Variants in TXNDC8 observed in about 807,000 individuals in gnomAD.
The protein encoded by TXNDC8 is thioredoxin domain containing 8.
TXNDC8 carries 15 observed loss-of-function variants against 12.9 expected under a neutral mutation model. The observed-to-expected ratio is 1.16, with a 90% CI of 0.78 to 1.79. TXNDC8 has a LOEUF of 1.79. Ranked by LOEUF, TXNDC8 falls within the 40% of genes most tolerant of loss-of-function variation. The pLI, the probability that TXNDC8 is intolerant of heterozygous loss-of-function variation, is 0.00. For synonymous variants in TXNDC8, 40 were observed against 35.4 expected, an observed-to-expected ratio of 1.13 and a Z score of -0.46; for missense variants, 128 against 113.2, an observed-to-expected ratio of 1.13 and a Z score of -0.59.
intron 2 of TXNDC8, among the ~76,000 whole-genome samples, chr9:110,328,431 A>AC (rs1839421385): frequency 1.3e-5 from 2 of 152,224 alleles, no homozygotes; most frequent in South Asian, 4.1e-4. Context: ...GCTTCAAAAA[A>AC]ACACACAAAA....
intron 1 of TXNDC8, among the ~76,000 whole-genome samples, chr9:110,337,470 G>A (rs1042118425): frequency 6.6e-6 from 1 of 152,144 alleles, no homozygotes; most frequent in Non-Finnish European, 1.5e-5. Flanking sequence ...ACTGAGGTAC[G>A]ATCCATGGGA....
At chr9:110,337,735 A>G (rs1839813826) in intron 1 of TXNDC8, 38 bp downstream of exon 1, 3 of 1,605,292 alleles carry the variant, frequency 1.9e-6, no homozygotes, top group African/African-American at 1.3e-5. Context: ...CAAGATGTCC[A>G]CATTTGAAAT....
intron 3 of TXNDC8, among the ~76,000 whole-genome samples, chr9:110,320,972 G>T (rs1202440286): frequency 6.6e-6 from 1 of 152,190 alleles, no homozygotes; most frequent in Non-Finnish European, 1.5e-5. Context: ...TTCAGCCACT[G>T]CTTATATTGC....
At chr9:110,323,736 C>A in intron 3 of TXNDC8, 1 of 1,029,828 alleles carries the variant, frequency 9.7e-7, no homozygotes, top group Non-Finnish European at 1.4e-6. Flanking sequence ...CAGTCAATGC[C>A]ATTAGTACTC....
chr9:110,309,060 G>A (rs968973777), intron 3 of TXNDC8, among the ~76,000 whole-genome samples: 1 of 152,156 alleles, frequency 6.6e-6, no homozygotes, highest in Non-Finnish European at 1.5e-5. Flanking sequence ...ATTTTTTCTC[G>A]TAGGAAGTTG....
At chr9:110,302,197 A>G (rs551783406), downstream of TXNDC8, among the ~76,000 whole-genome samples, 47 of 151,570 alleles carry the variant, frequency 3.1e-4, no homozygotes, top group Non-Finnish European at 6.2e-4. Context: ...GACAGAGTCT[A>G]GCTATGTTGC....
chr9:110,332,923 A>G (rs1042353795), intron 2 of TXNDC8, among the ~76,000 whole-genome samples: 2 of 152,364 alleles, frequency 1.3e-5, no homozygotes, highest in South Asian at 2.1e-4. Flanking sequence ...TATTCGCCTC[A>G]TTGCAATAAC....
chr9:110,334,382 A>G lies in TXNDC8; in HGVS notation c.25-62T>C, dbSNP rs1271396492. On this transcript the variant is annotated intron_variant, in intron 1 of 4. Transcript: ENST00000423740. ...CACTGAATCTCATGACATTTTGTAG[A>G]GAAGAAGATGACAGATTAGTTTTGG... The G allele has an allele frequency of 3.5e-6, 5 of 1,432,990 alleles. No individual in the cohort carries two copies. The African/African-American group carries it at 7.1e-5, about 20-fold the overall frequency. The allele number at this position is 1,432,990 out of a possible 1,614,324, so 88.8% of individuals were successfully genotyped here.
intron 1 of TXNDC8, among the ~76,000 whole-genome samples, chr9:110,335,689 T>C (rs1283854393): frequency 6.6e-6 from 1 of 152,188 alleles, no homozygotes; most frequent in Admixed American, 6.5e-5. Flanking sequence ...CCTTAACCAC[T>C]ACAGAAAATC....
intron 3 of TXNDC8, among the ~76,000 whole-genome samples, chr9:110,307,870 A>G (rs1335237150): frequency 6.6e-6 from 1 of 152,234 alleles, no homozygotes; most frequent in Non-Finnish European, 1.5e-5. Flanking sequence ...TAACATGTAT[A>G]AAACCAAGCT....
At chr9:110,327,383 T>C (rs10759411) in intron 2 of TXNDC8, among the ~76,000 whole-genome samples, 135,719 of 151,510 alleles carry the variant, frequency 0.9, 61,441 homozygotes, top group African/African-American at 0.98. Context: ...AGTGCAATGG[T>C]GCGATCTGGG....
chr9:110,328,091 G>A (rs1839403292), intron 2 of TXNDC8, among the ~76,000 whole-genome samples: 1 of 152,160 alleles, frequency 6.6e-6, no homozygotes, highest in African/African-American at 2.4e-5. Context: ...TCGGTTAAGT[G>A]TTATTATCCT....
At chr9:110,305,550 CTTT>C (rs1383154246) in intron 3 of TXNDC8, among the ~76,000 whole-genome samples, 27 of 31,984 alleles carry the variant, frequency 8.4e-4, no homozygotes, top group Non-Finnish European at 1.4e-3. Flanking sequence ...TTTTCTTTTT[CTTT>C]CTTTCTTTCT....
chr9:110,316,050 A>G (rs1166941446), intron 3 of TXNDC8, among the ~76,000 whole-genome samples: 1 of 150,242 alleles, frequency 6.7e-6, no homozygotes, highest in Non-Finnish European at 1.5e-5. Context: ...GACATGTGCC[A>G]CCACACTCGG....
chr9:110,317,819 T>A (rs999622885), intron 3 of TXNDC8, among the ~76,000 whole-genome samples: 4 of 152,246 alleles, frequency 2.6e-5, no homozygotes, highest in African/African-American at 9.6e-5. Flanking sequence ...GCAGCAGGTC[T>A]GGTTGCTTTC....
chr9:110,323,922 G>C (rs1253816162), intron 3 of TXNDC8: 70 of 1,550,894 alleles, frequency 4.5e-5, no homozygotes, highest in Non-Finnish European at 6.1e-5. Context: ...GGTTTGACTT[G>C]GATTGGCTTG....
chr9:110,321,364 AG>A (rs557975845), intron 3 of TXNDC8, among the ~76,000 whole-genome samples: 73 of 152,182 alleles, frequency 4.8e-4, no homozygotes, highest in Non-Finnish European at 8.4e-4. Flanking sequence ...CATGCTTTCA[AG>A]GGAGGTGAGT....
intron 2 of TXNDC8, among the ~76,000 whole-genome samples, chr9:110,328,320 CTTTG>C (rs893378415): frequency 6.6e-5 from 10 of 151,926 alleles, no homozygotes; most frequent in African/African-American, 1.4e-4. Context: ...ATAAGACACA[CTTTG>C]TTTGAGGTTA....
intron 1 of TXNDC8, among the ~76,000 whole-genome samples, chr9:110,335,556 C>G (rs1839717119): frequency 1.3e-5 from 2 of 152,210 alleles, no homozygotes; most frequent in South Asian, 4.1e-4. Context: ...AACGTGTGTA[C>G]TATTATTATC....
Sources: gnomAD v4.1 joint callset for allele counts (sites outside exome capture counted in the v4.1 genomes callset) on GRCh38, gnomAD v4.1.1 for gene constraint, MANE v1.5 for transcripts, NCBI Gene and HGNC (gene_info 2026-07-23, HGNC 2026-07-21) for gene names.